Variants in AKAP19 observed in about 807,000 individuals in gnomAD.
AKAP19 encodes the protein A-kinase anchoring protein 19.
chr2:190,156,844 TATCCATTGTAATTAAA>T, the AKAP19 span, among the ~76,000 whole-genome samples: 1 of 152,176 alleles, frequency 6.6e-6, no homozygotes, highest in Non-Finnish European at 1.5e-5. Flanking sequence ...AATCTGGTAT[TATCCATTGTAATTAAA>T]AATACATTTA....
chr2:190,137,960 C>A, the AKAP19 span: 1 of 5,278 alleles, frequency 1.9e-4, no homozygotes, highest in East Asian at 0.036. Flanking sequence ...AAATACACAG[C>A]TTTTTAACTA....
the AKAP19 span, among the ~76,000 whole-genome samples, chr2:190,097,452 A>G: frequency 6.6e-6 from 1 of 152,126 alleles, no homozygotes; most frequent in Non-Finnish European, 1.5e-5. Flanking sequence ...AAATGAGAAA[A>G]CAATGAAGTT....
the AKAP19 span, among the ~76,000 whole-genome samples, chr2:190,156,654 T>A: frequency 6.6e-6 from 1 of 152,008 alleles, no homozygotes; most frequent in Non-Finnish European, 1.5e-5. Flanking sequence ...CCAATAAACA[T>A]GAAATCATGC....
the AKAP19 span, among the ~76,000 whole-genome samples, chr2:190,147,432 T>C: frequency 2.0e-5 from 3 of 152,196 alleles, no homozygotes; most frequent in East Asian, 3.8e-4. Context: ...AATCAGGTAG[T>C]GTGATGCCTC....
chr2:190,178,787 T>C, the AKAP19 span, among the ~76,000 whole-genome samples: 1 of 152,246 alleles, frequency 6.6e-6, no homozygotes, highest in African/African-American at 2.4e-5. The surrounding 1 kb of genome is among the most constrained non-coding windows in gnomAD (Gnocchi z 6.3). Context: ...CCAGAGACTC[T>C]CACCCACTTT....
chr2:190,175,006 G>GGAGTACATA, the AKAP19 span, among the ~76,000 whole-genome samples: 2,610 of 151,908 alleles, frequency 0.017, 32 homozygotes, highest in South Asian at 0.046. Context: ...TAGATTACAT[G>GGAGTACATA]GAGTACATAG....
At chr2:189,924,063 G>A in the AKAP19 span, 118 of 1,533,300 alleles carry the variant, frequency 7.7e-5, no homozygotes, top group Non-Finnish European at 9.8e-5. Flanking sequence ...TCTGAGGGGG[G>A]TGCAGATGAC....
chr2:190,082,504 C>T, the AKAP19 span, among the ~76,000 whole-genome samples: 66 of 152,292 alleles, frequency 4.3e-4, no homozygotes, highest in East Asian at 0.011. Flanking sequence ...CTGTTATATA[C>T]ATTTATTACA....
the AKAP19 span, among the ~76,000 whole-genome samples, chr2:189,976,998 C>A: frequency 5.9e-5 from 9 of 152,238 alleles, no homozygotes; most frequent in East Asian, 1.5e-3. Context: ...ACCCACTGTC[C>A]AACAAGCCCC....
the AKAP19 span, among the ~76,000 whole-genome samples, chr2:190,173,549 T>C: frequency 1.0e-3 from 152 of 152,334 alleles, 1 homozygote; most frequent in Non-Finnish European, 1.7e-3. Context: ...ACTCCTAAAA[T>C]GATAGAATCT....
chr2:189,887,007 A>G, the AKAP19 span, among the ~76,000 whole-genome samples: 2 of 152,114 alleles, frequency 1.3e-5, no homozygotes, highest in African/African-American at 4.8e-5. Flanking sequence ...TTTTATTATT[A>G]TACTTTAATT....
chr2:189,893,604 A>T, the AKAP19 span, among the ~76,000 whole-genome samples: 6 of 152,134 alleles, frequency 3.9e-5, no homozygotes, highest in Non-Finnish European at 8.8e-5. Flanking sequence ...GTAAATGCAG[A>T]AATCACCTGC....
At chr2:190,009,985 C>CA in the AKAP19 span, among the ~76,000 whole-genome samples, 4 of 151,776 alleles carry the variant, frequency 2.6e-5, no homozygotes, top group East Asian at 3.9e-4. Context: ...TTTGCTGTTG[C>CA]AAAAAAAGAG....
the AKAP19 span, among the ~76,000 whole-genome samples, chr2:190,135,475 C>T: frequency 6.6e-6 from 1 of 152,084 alleles, no homozygotes; most frequent in East Asian, 1.9e-4. Flanking sequence ...TTCACTGAAT[C>T]TCTCTCCTCC....
the AKAP19 span, among the ~76,000 whole-genome samples, chr2:190,013,481 T>G: frequency 6.6e-6 from 1 of 151,982 alleles, no homozygotes; most frequent in Non-Finnish European, 1.5e-5. Context: ...TATATTTATT[T>G]GAGTCGTCTC....
the AKAP19 span, among the ~76,000 whole-genome samples, chr2:189,895,961 A>G: frequency 0.031 from 4,616 of 150,868 alleles, 238 homozygotes; most frequent in African/African-American, 0.11. Flanking sequence ...GTGAGCCAAG[A>G]TCGTGCCACT....
At chr2:189,969,728 C>CA in the AKAP19 span, among the ~76,000 whole-genome samples, 1,601 of 48,810 alleles carry the variant, frequency 0.033, 40 homozygotes, top group Non-Finnish European at 0.045. Context: ...GACTCCATCT[C>CA]AAAAAAAAAA....
At chr2:190,057,627 T>C in the AKAP19 span, 2 of 1,613,110 alleles carry the variant, frequency 1.2e-6, no homozygotes, top group African/African-American at 1.3e-5. Context: ...CCTTGACCTC[T>C]AAAAACGGAT....
At chr2:190,078,513 A>G in the AKAP19 span, among the ~76,000 whole-genome samples, 2 of 152,200 alleles carry the variant, frequency 1.3e-5, no homozygotes, top group Non-Finnish European at 2.9e-5. Context: ...TAAGAAGGTT[A>G]AAAACCCAAT....
Sources: allele counts gnomAD v4.1 joint callset (sites outside exome capture counted in the v4.1 genomes callset), GRCh38; gene constraint gnomAD v4.1.1; non-coding constraint Gnocchi (gnomAD v3.1); transcripts MANE v1.5; gene names NCBI Gene and HGNC (gene_info 2026-07-23, HGNC 2026-07-21).